ESRRG: variants seen among roughly 807,000 people sequenced by gnomAD.
ESRRG encodes estrogen-related receptor gamma.
In ESRRG, 13 loss-of-function variants were observed where a neutral mutation model predicts 44.0. The ratio of observed to expected loss-of-function variants is 0.30; its 90% CI spans 0.19 to 0.47. ESRRG has a LOEUF of 0.47. Ranked by LOEUF, ESRRG falls within the 20% of genes least tolerant of loss-of-function variation. ESRRG has a pLI of 1.00. For missense variants in ESRRG, 395 were observed against 580.6 expected (o/e 0.68, Z 3.29); for synonymous variants, 215 against 214.6 (o/e 1.00, Z -0.02).
intron 3 of ESRRG, among the ~76,000 whole-genome samples, chr1:216,600,450 C>G (rs1174553811): frequency 6.6e-6 from 1 of 152,174 alleles, no homozygotes; most frequent in East Asian, 1.9e-4. Flanking sequence ...GGGGGCGGGT[C>G]AGGGGATATT....
At chr1:217,084,269 C>A (rs960787847) in intron 1 of ESRRG, among the ~76,000 whole-genome samples, 1 of 152,150 alleles carries the variant, frequency 6.6e-6, no homozygotes, top group East Asian at 1.9e-4. Context: ...AATAAATATT[C>A]TTCTAAAGAA....
chr1:216,837,341 G>A (rs1240052307), intron 2 of ESRRG, among the ~76,000 whole-genome samples: 1 of 151,030 alleles, frequency 6.6e-6, no homozygotes, highest in East Asian at 1.9e-4. Flanking sequence ...AACCTGGGAG[G>A]TGGAGCTTGC....
At chr1:216,655,794 A>G (rs1004908726) in intron 2 of ESRRG, among the ~76,000 whole-genome samples, 13 of 152,300 alleles carry the variant, frequency 8.5e-5, no homozygotes, top group African/African-American at 2.6e-4. Context: ...TCTAATTTCC[A>G]GGCCCTCCCA....
intron 2 of ESRRG, among the ~76,000 whole-genome samples, chr1:216,884,482 C>T (rs2096490475): frequency 1.3e-5 from 2 of 152,064 alleles, no homozygotes; most frequent in Admixed American, 1.3e-4. Flanking sequence ...GCAGTGGCTG[C>T]CCGAAACTTC....
intron 1 of ESRRG, among the ~76,000 whole-genome samples, chr1:216,941,009 C>A (rs185925069): frequency 6.6e-6 from 1 of 152,196 alleles, no homozygotes; most frequent in Admixed American, 6.5e-5. Context: ...TGGAATTTGA[C>A]AGGGTCTAGA....
At chr1:216,928,655 G>C (rs1335500594) in intron 2 of ESRRG, among the ~76,000 whole-genome samples, 6 of 152,070 alleles carry the variant, frequency 3.9e-5, no homozygotes, top group Non-Finnish European at 8.8e-5. Context: ...ATTACATGGA[G>C]GATTATGTAT....
intron 1 of ESRRG, among the ~76,000 whole-genome samples, chr1:217,047,211 G>A (rs2085052496): frequency 6.6e-6 from 1 of 151,992 alleles, no homozygotes; most frequent in South Asian, 2.1e-4. Flanking sequence ...TGATTATAAT[G>A]TGATTTCCTA....
At chr1:216,875,512 T>C (rs2096335869) in intron 2 of ESRRG, among the ~76,000 whole-genome samples, 1 of 152,170 alleles carries the variant, frequency 6.6e-6, no homozygotes, top group Non-Finnish European at 1.5e-5. Context: ...ACAGAACGCA[T>C]GTTATATGTT....
intron 1 of ESRRG, among the ~76,000 whole-genome samples, chr1:216,983,732 G>T (rs2074391321): frequency 1.3e-5 from 2 of 150,136 alleles, no homozygotes; most frequent in South Asian, 4.2e-4. Flanking sequence ...AAACAATAAG[G>T]ATCTACTCCA....
At chr1:216,805,351 G>A (rs538217675) in intron 2 of ESRRG, 6 of 151,766 alleles carry the variant, frequency 4.0e-5, no homozygotes, top group East Asian at 3.9e-4. Flanking sequence ...GCAATATTCC[G>A]ATGCTGTGTG....
intron 2 of ESRRG, among the ~76,000 whole-genome samples, chr1:216,838,983 A>G (rs894925517): frequency 6.6e-6 from 1 of 152,110 alleles, no homozygotes; most frequent in Non-Finnish European, 1.5e-5. Flanking sequence ...AAGGACAACA[A>G]TGAAATTTAC....
intron 5 of ESRRG, among the ~76,000 whole-genome samples, chr1:216,529,040 G>A (rs2048502885): frequency 6.6e-6 from 1 of 152,106 alleles, no homozygotes; most frequent in Non-Finnish European, 1.5e-5. Flanking sequence ...AGGTGTTAAT[G>A]TAATTTAAAT....
intron 2 of ESRRG, among the ~76,000 whole-genome samples, chr1:216,854,353 C>CAAAAAA (rs57421256): frequency 3.3e-4 from 22 of 67,118 alleles, no homozygotes; most frequent in South Asian, 8.2e-4. Context: ...AAGACACCAT[C>CAAAAAA]AAAAAAAAAA....
chr1:216,757,918 G>C (rs2092551253), intron 2 of ESRRG, among the ~76,000 whole-genome samples: 1 of 151,988 alleles, frequency 6.6e-6, no homozygotes, highest in South Asian at 2.1e-4. Flanking sequence ...CTTTAATACA[G>C]TTAATGCTTA....
At chr1:217,096,542 A>C (rs1403941959) in intron 1 of ESRRG, among the ~76,000 whole-genome samples, 2 of 152,162 alleles carry the variant, frequency 1.3e-5, no homozygotes, top group African/African-American at 4.8e-5. Context: ...ATCATCCTCC[A>C]ACAATCCTCA....
intron 2 of ESRRG, among the ~76,000 whole-genome samples, chr1:216,909,251 C>T (rs2060040711): frequency 6.6e-6 from 1 of 152,174 alleles, no homozygotes; most frequent in South Asian, 2.1e-4. Flanking sequence ...TATAAAATCT[C>T]AATCAAAAGC....
In ESRRG at chr1:216,581,134, A is replaced by G. The variant is rs186181075; in HGVS notation, c.590-13036T>C. ...TAAATAACATATTTTGAAAGCAACC[A>G]AAGAATAGATAATGACTGTTCTGTT... On this transcript the variant is annotated intron_variant, in intron 3 of 6. Coordinates refer to ENST00000408911, the MANE Select transcript of ESRRG (RefSeq NM_001438.4). 6.6e-4 allele frequency among the ~76,000 whole-genome samples: 100 copies of G among 152,314 alleles called. 1 individual carries two copies. Among genetic ancestry groups the G allele is most frequent in the African/African-American group, 2.3e-3 (94 of 41,584 alleles).
rs114237338 is a variant in ESRRG, at chr1:216,955,163, C to T, written c.-105-15490G>A. Among the ~76,000 whole-genome samples, 379 of 152,156 alleles carry T rather than the reference C, an allele frequency of 2.5e-3. 3 individuals carry two copies. The highest frequency in any genetic ancestry group is 8.4e-3 in the African/African-American group (349 of 41,546). On this transcript the variant is annotated intron_variant, in intron 1 of 7. Coordinates refer to the ESRRG transcript ENST00000359162. ...AACTTATTCTATCTAGCTGTCATTTCGTATCTGTTAACCAACCTCTCCCAT... is the reference window on the plus strand; with the variant it reads ...AACTTATTCTATCTAGCTGTCATTTTGTATCTGTTAACCAACCTCTCCCAT...
intron 2 of ESRRG, among the ~76,000 whole-genome samples, chr1:216,794,917 G>A (rs1471487556): frequency 6.6e-6 from 1 of 152,142 alleles, no homozygotes; most frequent in East Asian, 1.9e-4. Flanking sequence ...CTCAGGAAAT[G>A]CTGTCTTTCT....
Sources: gnomAD v4.1 joint callset for allele counts (sites outside exome capture counted in the v4.1 genomes callset) on GRCh38, gnomAD v4.1.1 for gene constraint, MANE v1.5 for transcripts, NCBI Gene and HGNC (gene_info 2026-07-23, HGNC 2026-07-21) for gene names.